The following SOD2 variants were observed in gnomAD, a reference collection of about 807,000 sequenced individuals.
SOD2 encodes superoxide dismutase [Mn], mitochondrial.
A neutral mutation model predicts 27.0 loss-of-function variants in SOD2; 11 were observed. That is an observed-to-expected ratio of 0.41 (90% CI 0.26 to 0.67). The LOEUF (loss-of-function observed/expected upper bound fraction) is 0.67. SOD2 is among the 30% of genes least tolerant of loss of function. SOD2 has a pLI of 0.34. For synonymous variants in SOD2, 105 were observed against 103.0 expected (o/e 1.02, Z -0.12); for missense variants, 250 against 274.5 (o/e 0.91, Z 0.63).
chr6:159,725,281 G>C (rs1365786089), intron 1 of SOD2, among the ~76,000 whole-genome samples: 1 of 152,070 alleles, frequency 6.6e-6, no homozygotes, highest in Non-Finnish European at 1.5e-5. Context: ...AGGAGTTCCA[G>C]ACCAGCCTGG....
intron 3 of SOD2, 139 bp downstream of exon 3, chr6:159,687,987 G>T: frequency 3.2e-6 from 2 of 627,162 alleles, no homozygotes; most frequent in Non-Finnish European, 5.7e-6. Context: ...CTCCAGCCTG[G>T]GCAACAAGAG....
At chr6:159,712,683 C>A in intron 1 of SOD2, 1 of 356,748 alleles carries the variant, frequency 2.8e-6, no homozygotes, top group Non-Finnish European at 5.6e-6. Context: ...ACCTCCATAA[C>A]CACGACTCAG....
intron 1 of SOD2, among the ~76,000 whole-genome samples, chr6:159,756,594 CTTTTTTTTT>C (rs3066261): frequency 1.1e-5 from 1 of 94,372 alleles, no homozygotes; most frequent in Non-Finnish European, 2.0e-5. Flanking sequence ...ATTTCTTAGG[CTTTTTTTTT>C]TTTTTTTTTT....
chr6:159,717,612 T>C (rs1188900462), intron 1 of SOD2, among the ~76,000 whole-genome samples: 2 of 152,194 alleles, frequency 1.3e-5, no homozygotes, highest in East Asian at 3.8e-4. Flanking sequence ...AATAAATTGT[T>C]TGTTATTATA....
upstream of SOD2, chr6:159,748,274 G>A: frequency 1.2e-6 from 2 of 1,614,024 alleles, no homozygotes; most frequent in Non-Finnish European, 1.7e-6. This position sits in a 1 kb window ranked among gnomAD's most constrained non-coding sequence, Gnocchi z 5.6. Flanking sequence ...CGATCAACTT[G>A]TTTTTCCTAA....
rs150641041 is a variant in SOD2 at position 159,741,777 on chromosome 6, C to T, written c.-116+3353G>A. 992 of 208,228 alleles carry T rather than the reference C, an allele frequency of 4.8e-3. 11 individuals carry two copies. The highest frequency in any genetic ancestry group is 0.022 in the African/African-American group (940 of 42,106). 12.9% of individuals were successfully genotyped at this position (208,228 alleles called of 1,614,324 possible). ...CCAGGGTGTGAGGATCATTTGAGCTCGGGAGTTCAAGACCAGCCTGGGCAA... is the reference window on the plus strand; with the variant it reads ...CCAGGGTGTGAGGATCATTTGAGCTTGGGAGTTCAAGACCAGCCTGGGCAA... On this transcript the variant is annotated intron_variant, in intron 1 of 3. Transcript: ENST00000537657.
chr6:159,744,878 C>T (rs1583094754), intron 1 of SOD2, among the ~76,000 whole-genome samples: 1 of 152,144 alleles, frequency 6.6e-6, no homozygotes, highest in Admixed American at 6.5e-5. Flanking sequence ...GAGGTCTTCC[C>T]TATGTTGCCC....
At chr6:159,736,316 T>G (rs757292322) in intron 1 of SOD2, 2 of 1,596,978 alleles carry the variant, frequency 1.3e-6, no homozygotes, top group East Asian at 2.2e-5. Context: ...TGGTTTTGGG[T>G]TTTTTTGTTT....
At chr6:159,731,446 C>T (rs111503974), upstream of SOD2, among the ~76,000 whole-genome samples, 11,865 of 151,974 alleles carry the variant, frequency 0.078, 992 homozygotes, top group African/African-American at 0.2. Context: ...CCAGCCTGGG[C>T]GACAGAGTGA....
At chr6:159,730,182 C>G (rs1778481565), upstream of SOD2, among the ~76,000 whole-genome samples, 4 of 152,164 alleles carry the variant, frequency 2.6e-5, no homozygotes. Flanking sequence ...CACCTAATGA[C>G]TAACAGTCAT....
At chr6:159,720,794 G>C (rs1212068820) in intron 1 of SOD2, among the ~76,000 whole-genome samples, 2 of 144,874 alleles carry the variant, frequency 1.4e-5, no homozygotes, top group Non-Finnish European at 3.0e-5. Flanking sequence ...TTGATGGTTT[G>C]GTTCAAATGG....
intron 1 of SOD2, among the ~76,000 whole-genome samples, chr6:159,707,604 C>G (rs758618761): frequency 3.9e-5 from 6 of 152,146 alleles, no homozygotes; most frequent in African/African-American, 2.4e-5. Context: ...ATAACAGGCT[C>G]TGAAATTGAG....
At chr6:159,706,245 A>G (rs1353059147) in intron 1 of SOD2, among the ~76,000 whole-genome samples, 4 of 152,230 alleles carry the variant, frequency 2.6e-5, no homozygotes, top group African/African-American at 9.6e-5. Flanking sequence ...TCCTAGTGAC[A>G]GGATCAAATT....
At chr6:159,761,664 C>A (rs1780129321) in exon 1 of SOD2, 1 of 432,088 alleles carries the variant, frequency 2.3e-6, no homozygotes, top group Non-Finnish European at 4.6e-6. Flanking sequence ...CTTTGTCACC[C>A]CCCAGTCTTT....
chr6:159,721,776 C>G (rs1028267103), intron 1 of SOD2, among the ~76,000 whole-genome samples: 1 of 146,602 alleles, frequency 6.8e-6, no homozygotes, highest in African/African-American at 2.5e-5. Flanking sequence ...CTGCTAGCCT[C>G]GGCCTCCCAA....
intron 1 of SOD2, among the ~76,000 whole-genome samples, chr6:159,714,264 T>C (rs1465825856): frequency 6.6e-6 from 1 of 152,108 alleles, no homozygotes; most frequent in African/African-American, 2.4e-5. Context: ...AGAAACATCA[T>C]CTCTGCCTAT....
chr6:159,760,282 A>G (rs1295091199), intron 1 of SOD2: 5 of 152,128 alleles, frequency 3.3e-5, no homozygotes, highest in African/African-American at 7.2e-5. Context: ...AGGAAATTTT[A>G]TTTATTTGAG....
chr6:159,685,405 G>A (rs899623238), intron 3 of SOD2, among the ~76,000 whole-genome samples: 3 of 151,672 alleles, frequency 2.0e-5, no homozygotes, highest in African/African-American at 7.3e-5. Flanking sequence ...ATCACGCCCG[G>A]CTAATTTTGT....
At chr6:159,704,721 G>A (rs1777589578) in intron 1 of SOD2, among the ~76,000 whole-genome samples, 2 of 152,246 alleles carry the variant, frequency 1.3e-5, no homozygotes, top group African/African-American at 4.8e-5. Context: ...TGAACAAAAG[G>A]CAGCAGAAAC....
Sources: allele counts gnomAD v4.1 joint callset (sites outside exome capture counted in the v4.1 genomes callset), GRCh38; gene constraint gnomAD v4.1.1; non-coding constraint Gnocchi (gnomAD v3.1); transcripts MANE v1.5; gene names NCBI Gene and HGNC (gene_info 2026-07-23, HGNC 2026-07-21).